Variants in RGS13 observed in about 807,000 individuals in gnomAD.
RGS13 encodes regulator of G-protein signalling 13.
In RGS13, 14 loss-of-function variants were observed where a neutral mutation model predicts 19.9. The observed-to-expected ratio is 0.70, with a 90% CI of 0.46 to 1.10. The LOEUF is 1.10. Among genes scored for constraint, RGS13 ranks in the 50% least tolerant of loss-of-function variants. The probability of loss-of-function intolerance (pLI) is 0.00; values close to 1 mark genes in which losing one functional copy is unlikely to be tolerated. For synonymous variants in RGS13, 60 were observed against 56.8 expected (o/e 1.06, Z -0.25); for missense variants, 205 against 187.1 (o/e 1.10, Z -0.56).
At chr1:192,650,583 A>G (rs1341611468) in intron 5 of RGS13, among the ~76,000 whole-genome samples, 1 of 152,116 alleles carries the variant, frequency 6.6e-6, no homozygotes. Context: ...CCTGGGTCTC[A>G]ATAGATGAAC....
intron 6 of RGS13, 115 bp downstream of exon 6, chr1:192,658,482 A>G: frequency 2.1e-6 from 2 of 956,212 alleles, no homozygotes; most frequent in South Asian, 1.8e-5. Flanking sequence ...CTAAAATGCT[A>G]TAAATTCAGT....
chr1:192,645,830 T>A (rs1663210781), intron 4 of RGS13: 1 of 152,096 alleles, frequency 6.6e-6, no homozygotes, highest in Non-Finnish European at 1.5e-5. Context: ...ACTCCAATCA[T>A]CTCTCCCCAT....
chr1:192,639,321 C>T (rs1249510883), intron 3 of RGS13, among the ~76,000 whole-genome samples: 1 of 148,980 alleles, frequency 6.7e-6, no homozygotes, highest in Non-Finnish European at 1.5e-5. Flanking sequence ...TTTTCTGTAA[C>T]ACTCAACCAT....
intron 5 of RGS13, among the ~76,000 whole-genome samples, chr1:192,657,049 G>T (rs1469558088): frequency 2.6e-5 from 4 of 152,028 alleles, no homozygotes; most frequent in Non-Finnish European, 4.4e-5. Flanking sequence ...GCTTTTGGAG[G>T]TGATAGATAT....
chr1:192,642,736 C>T (rs949802015), intron 3 of RGS13, among the ~76,000 whole-genome samples: 1 of 152,140 alleles, frequency 6.6e-6, no homozygotes, highest in Non-Finnish European at 1.5e-5. Flanking sequence ...GGTTCCAGCT[C>T]AGATGTTACT....
At chr1:192,652,546 C>T (rs1234388801) in intron 5 of RGS13, among the ~76,000 whole-genome samples, 2 of 151,864 alleles carry the variant, frequency 1.3e-5, no homozygotes, top group African/African-American at 4.8e-5. Flanking sequence ...ACTTCTTCAC[C>T]TTGCAAAGGG....
rs539926231 is a variant in RGS13 at position 192,657,801 on chromosome 1, C to T, written c.128-400C>T. Among the ~76,000 whole-genome samples, 5 of 152,116 alleles carry T rather than the reference C, an allele frequency of 3.3e-5. 1 individual carries two copies. The highest frequency in any genetic ancestry group is 9.6e-5 in the African/African-American group (4 of 41,490). On this transcript the variant is annotated intron_variant, in intron 5 of 6. Coordinates refer to ENST00000391995, the MANE Select transcript of RGS13 (RefSeq NM_002927.5). Reference sequence around the variant, plus strand: ...TGACCTACAAGTTTACATTCAAAACCCTGCTCTTACCCTACAGTTTGGCAT... The same window carrying T: ...TGACCTACAAGTTTACATTCAAAACTCTGCTCTTACCCTACAGTTTGGCAT...
At chr1:192,649,197 C>T (rs995457619) in intron 5 of RGS13, among the ~76,000 whole-genome samples, 28 of 152,052 alleles carry the variant, frequency 1.8e-4, no homozygotes, top group Admixed American at 1.3e-4. Context: ...TTCAGGTATT[C>T]CTCATAGTTT....
At chr1:192,638,770 T>C (rs989504115) in intron 3 of RGS13, among the ~76,000 whole-genome samples, 4 of 152,154 alleles carry the variant, frequency 2.6e-5, no homozygotes, top group Non-Finnish European at 5.9e-5. Flanking sequence ...ACACATGTCA[T>C]ACACAATTCT....
chr1:192,641,760 G>A (rs766656019), intron 3 of RGS13, among the ~76,000 whole-genome samples: 19 of 152,072 alleles, frequency 1.2e-4, no homozygotes, highest in Non-Finnish European at 2.4e-4. Context: ...AGTTCACACC[G>A]TCTTCCTGGA....
At chr1:192,653,605 C>G (rs1273149043) in intron 5 of RGS13, among the ~76,000 whole-genome samples, 2 of 151,856 alleles carry the variant, frequency 1.3e-5, no homozygotes, top group Non-Finnish European at 2.9e-5. Flanking sequence ...TATGTTATGG[C>G]CTACCCCATC....
At chr1:192,652,375 T>C (rs1663358210) in intron 5 of RGS13, among the ~76,000 whole-genome samples, 1 of 152,096 alleles carries the variant, frequency 6.6e-6, no homozygotes, top group Non-Finnish European at 1.5e-5. Flanking sequence ...CAAGCTCCTT[T>C]GCTGCACAGT....
At chr1:192,651,378 C>T (rs1349989342) in intron 5 of RGS13, among the ~76,000 whole-genome samples, 2 of 152,030 alleles carry the variant, frequency 1.3e-5, no homozygotes, top group African/African-American at 4.8e-5. Context: ...GAATCACTGA[C>T]ATAAGTTTTG....
chr1:192,641,913 A>G (rs978782640), intron 3 of RGS13, among the ~76,000 whole-genome samples: 2 of 152,034 alleles, frequency 1.3e-5, no homozygotes, highest in African/African-American at 4.8e-5. Flanking sequence ...AACAAGTTCT[A>G]ATAGTTCTTC....
chr1:192,641,241 AAAGAAAAGAAAGAAAAGAAAGAAAG>A (rs1214030527), intron 3 of RGS13, among the ~76,000 whole-genome samples: 20 of 90,230 alleles, frequency 2.2e-4, no homozygotes, highest in African/African-American at 8.8e-4. Context: ...AGAAAGAAAG[AAAGAAAAGAAAGAAAAGAAAGAAAG>A]AAAGAAAGAA....
At chr1:192,646,826 T>C (rs1271939782) in intron 4 of RGS13, 1 of 152,170 alleles carries the variant, frequency 6.6e-6, no homozygotes, top group Non-Finnish European at 1.5e-5. Context: ...GCAAAGGACA[T>C]GATATTGTTT....
chr1:192,646,767 C>T (rs773935509), intron 4 of RGS13: 11 of 152,116 alleles, frequency 7.2e-5, no homozygotes, highest in Admixed American at 1.3e-4. Context: ...TTTTCTGTTC[C>T]TGCATTAGTT....
At chr1:192,650,645 A>G (rs1663320029) in intron 5 of RGS13, among the ~76,000 whole-genome samples, 1 of 152,076 alleles carries the variant, frequency 6.6e-6, no homozygotes, top group Non-Finnish European at 1.5e-5. Flanking sequence ...AGTCATCAAA[A>G]TACAATTAAA....
At chr1:192,658,537 A>G in intron 6 of RGS13, 170 bp downstream of exon 6, 1 of 565,598 alleles carries the variant, frequency 1.8e-6, no homozygotes. Flanking sequence ...GACTCTGAGA[A>G]CTTGTCCAGT....
Sources: gnomAD v4.1 joint callset for allele counts (sites outside exome capture counted in the v4.1 genomes callset) on GRCh38, gnomAD v4.1.1 for gene constraint, MANE v1.5 for transcripts, NCBI Gene and HGNC (gene_info 2026-07-23, HGNC 2026-07-21) for gene names.